Variants in CARS2 observed in about 807,000 individuals in gnomAD.
CARS2 encodes the protein probable cysteine--tRNA ligase, mitochondrial.
In CARS2, 52 loss-of-function variants were observed where a neutral mutation model predicts 68.8. The observed-to-expected ratio is 0.76, with a 90% CI of 0.61 to 0.95. The LOEUF is 0.95. Ranked by LOEUF, CARS2 falls within the 40% of genes least tolerant of loss-of-function variation. CARS2 has a pLI of 0.00. For missense variants in CARS2, 780 were observed against 754.2 expected, an observed-to-expected ratio of 1.03 and a Z score of -0.40; for synonymous variants, 314 against 303.6, an observed-to-expected ratio of 1.03 and a Z score of -0.36.
chr13:110,679,650 C>A (rs1361821530), intron 6 of CARS2, among the ~76,000 whole-genome samples: 1 of 43,212 alleles, frequency 2.3e-5, no homozygotes, highest in Non-Finnish European at 4.4e-5. Flanking sequence ...CGGGCGTGAC[C>A]GGAGGGAGGG....
At chr13:110,650,943 T>G in intron 10 of CARS2, 91 bp downstream of exon 10, 1 of 913,934 alleles carries the variant, frequency 1.1e-6, no homozygotes, top group East Asian at 2.5e-5. Flanking sequence ...GTTCTGCTTA[T>G]TCTCTGGCCT....
intron 6 of CARS2, among the ~76,000 whole-genome samples, chr13:110,680,919 G>A (rs2063140578): frequency 6.6e-6 from 1 of 152,266 alleles, no homozygotes; most frequent in Non-Finnish European, 1.5e-5. Context: ...GCAGGGCAGA[G>A]AGGCTGGCAG....
chr13:110,665,527 C>T lies in CARS2; in HGVS notation c.919+1813G>A. 2.0e-6 allele frequency: 2 copies of T among 985,494 alleles called. No homozygotes were observed. The highest frequency in any genetic ancestry group is 2.4e-6 in the Non-Finnish European group (2 of 829,958). The allele number at this position is 985,494 out of a possible 1,614,324, so 61.0% of individuals were successfully genotyped here. A position where few individuals can be genotyped will look rare whatever the true frequency, so the allele number is the denominator to read the frequency against. On this transcript the variant is annotated intron_variant, in intron 8 of 14. Transcript: ENST00000257347. This position sits in a 1 kb window ranked among gnomAD's most constrained non-coding sequence, Gnocchi z 4.3. ...TTCTAGACCCGGCCCCTCCTCATTA[C>T]CTGACAGGACGAAGCGTTGGCACAG... is the stretch of plus-strand genomic sequence containing the variant.
exon 1 of CARS2, chr13:110,713,177 GT>G (rs2139961807): frequency 7.0e-7 from 1 of 1,427,868 alleles, no homozygotes; most frequent in East Asian, 2.5e-5. Context: ...GGCTGTCAAA[GT>G]GATGTTGGCA....
chr13:110,713,473 C>T (rs1232216518), exon 1 of CARS2: 4 of 989,454 alleles, frequency 4.0e-6, no homozygotes, highest in Non-Finnish European at 4.8e-6. Context: ...CGTCCACACC[C>T]CAGCGGCCCT....
At position 110,668,774 on chromosome 13, in the gene CARS2, G is replaced by A. The variant is rs2062722075; in HGVS notation, c.786-1301C>T. 6.6e-6 allele frequency among the ~76,000 whole-genome samples: 1 copy of A among 152,186 alleles called. No homozygotes were observed. The highest frequency in any genetic ancestry group is 2.4e-5 in the African/African-American group (1 of 41,444). The stretch of plus-strand genomic sequence containing the variant: ...TGGGGCCACAACCTTCACTATGTTA[G>A]TTTCGCTCCTGATCTCTACGTTACA... On this transcript the variant is annotated intron_variant, in intron 7 of 14. Transcript: ENST00000257347. This position sits in a 1 kb window ranked among gnomAD's most constrained non-coding sequence, Gnocchi z 4.1.
chr13:110,644,058 C>G (rs1331891335), intron 13 of CARS2: 2 of 1,263,628 alleles, frequency 1.6e-6, no homozygotes, highest in Non-Finnish European at 1.0e-6. Flanking sequence ...AAAAAATGTT[C>G]TCTTACTGTG....
rs756239121 is a variant in CARS2, at chr13:110,676,993, C to G, written c.766G>C (p.Glu256Gln). The stretch of plus-strand genomic sequence containing the variant: ...CCTTACCTAGCGATGGCAGAGCACT[C>G]GATGTGCCAGCCCGGCCTCCCGGGT... ...WGPGRPGWHI[E>Q]CSAIASMVFG... The change falls in exon 7 of 15, where the codon GAG becomes CAG. Residue 256 changes from glutamate to glutamine, a missense_variant. Transcript: ENST00000257347. This position sits in a 1 kb window ranked among gnomAD's most constrained non-coding sequence, Gnocchi z 4.0. The G allele has an allele frequency of 6.3e-7, 1 of 1,592,604 alleles. No homozygotes were observed. The highest frequency in any genetic ancestry group is 8.6e-7 in the Non-Finnish European group (1 of 1,165,712).
intron 7 of CARS2, among the ~76,000 whole-genome samples, chr13:110,673,967 C>T (rs1471272619): frequency 6.6e-6 from 1 of 152,140 alleles, no homozygotes; most frequent in African/African-American, 2.4e-5. Context: ...ACAATTGCTT[C>T]AAAGAGAATA....
In CARS2 at chr13:110,668,474, G is replaced by A. The variant is rs367796965; in HGVS notation, c.786-1001C>T. Among the ~76,000 whole-genome samples, 7 of 152,120 alleles carry A rather than the reference G, an allele frequency of 4.6e-5. No individual in the cohort carries two copies. In the East Asian group the frequency reaches 7.8e-4, roughly 17 times the overall value. Reference sequence around the variant, plus strand: ...AGAGAATGGCATGAACCCGGGAGGCGGAGCTTGCAGTGAGCCGAGATCGCG... The same window carrying A: ...AGAGAATGGCATGAACCCGGGAGGCAGAGCTTGCAGTGAGCCGAGATCGCG... On this transcript the variant is annotated intron_variant, in intron 7 of 14. Coordinates refer to ENST00000257347, the MANE Select transcript of CARS2 (RefSeq NM_024537.4). The surrounding 1 kb of genome is among the most constrained non-coding windows in gnomAD (Gnocchi z 4.1).
intron 11 of CARS2, chr13:110,646,761 A>G: frequency 4.1e-6 from 1 of 243,708 alleles, no homozygotes; most frequent in Non-Finnish European, 7.9e-6. Flanking sequence ...GGCCCCAGGC[A>G]CACTTCCTGC....
At chr13:110,698,015 CA>C (rs1274879731) in intron 3 of CARS2, 8 of 453,716 alleles carry the variant, frequency 1.8e-5, no homozygotes, top group Non-Finnish European at 3.5e-5. Flanking sequence ...TGACAAAGTT[CA>C]GCCTCTTTTC....
At position 110,646,579 on chromosome 13, in the gene CARS2, G is replaced by A. The variant is rs111563858; in HGVS notation, c.1194-489C>T. On this transcript the variant is annotated intron_variant, in intron 11 of 14. Coordinates refer to ENST00000257347, the MANE Select transcript of CARS2 (RefSeq NM_024537.4). ...CTGCATGCCGGGATGAATGTGCAGC[G>A]CTGCCCAGGACACCCGTGGGTGGGG... 8.1e-3 allele frequency: 1,329 copies of A among 163,836 alleles called. 16 individuals are homozygous for A. Among genetic ancestry groups the A allele is most frequent in the African/African-American group, 0.028 (1,164 of 41,758 alleles). 10.1% of individuals were successfully genotyped at this position (163,836 alleles called of 1,614,324 possible). A position where few individuals can be genotyped will look rare whatever the true frequency, so the allele number is the denominator to read the frequency against.
chr13:110,672,575 G>A (rs1037366018), intron 7 of CARS2, among the ~76,000 whole-genome samples: 3 of 152,182 alleles, frequency 2.0e-5, no homozygotes, highest in African/African-American at 7.2e-5. Flanking sequence ...AGTGTGTAGA[G>A]GGAAATTTAT....
At chr13:110,712,422 G>C (rs1207051792) in intron 1 of CARS2, 1 of 185,130 alleles carries the variant, frequency 5.4e-6, no homozygotes, top group African/African-American at 2.4e-5. Flanking sequence ...CGCGGCGGCC[G>C]CAGCGGGGCG....
exon 1 of CARS2, chr13:110,713,345 G>C (rs2064060872): frequency 2.7e-6 from 3 of 1,101,958 alleles, no homozygotes; most frequent in Non-Finnish European, 3.3e-6. Flanking sequence ...TTAGGTCCTG[G>C]TCGGGTTTTC....
At chr13:110,703,898 C>T (rs1014116014) in intron 2 of CARS2, among the ~76,000 whole-genome samples, 8 of 152,300 alleles carry the variant, frequency 5.3e-5, no homozygotes, top group East Asian at 3.9e-4. Flanking sequence ...CCCAAGGTGA[C>T]GGTTTTAGGA....
In CARS2 at chr13:110,676,023, G is replaced by A. The variant is rs541653374; in HGVS notation, c.785+951C>T. On this transcript the variant is annotated intron_variant, in intron 7 of 14. Transcript: ENST00000257347. The surrounding 1 kb of genome is among the most constrained non-coding windows in gnomAD (Gnocchi z 4.0). The stretch of plus-strand genomic sequence containing the variant: ...ATACAAAATTAGCCGGGGTGGTGGC[G>A]CATGCCAGTAATCCCAGCTACTCAG... 5.3e-5 allele frequency among the ~76,000 whole-genome samples: 8 copies of A among 152,360 alleles called. No individual in the cohort carries two copies. Among genetic ancestry groups the A allele is most frequent in the Middle Eastern group, 3.4e-3 (1 of 294 alleles).
chr13:110,674,053 A>T (rs1482704038), intron 7 of CARS2, among the ~76,000 whole-genome samples: 3 of 152,212 alleles, frequency 2.0e-5, no homozygotes, highest in Non-Finnish European at 4.4e-5. Flanking sequence ...GCTCAATGAA[A>T]TATAAGAGGA....
Sources: allele counts gnomAD v4.1 joint callset (sites outside exome capture counted in the v4.1 genomes callset), GRCh38; gene constraint gnomAD v4.1.1; non-coding constraint Gnocchi (gnomAD v3.1); transcripts MANE v1.5; gene names NCBI Gene and HGNC (gene_info 2026-07-23, HGNC 2026-07-21).